ATP9B: variants seen among roughly 807,000 people sequenced by gnomAD.
ATP9B encodes the protein ATPase phospholipid transporting 9B.
Under a neutral mutation model 146.1 loss-of-function variants are expected in ATP9B, and 110 were observed. That is an observed-to-expected ratio of 0.75 (90% confidence interval 0.65 to 0.88). The LOEUF (loss-of-function observed/expected upper bound fraction) is 0.88, where lower values mean the gene tolerates loss of function less well. Ranked by LOEUF, ATP9B falls within the 40% of genes least tolerant of loss-of-function variation. The pLI, the probability that ATP9B is intolerant of heterozygous loss-of-function variation, is 0.00. For synonymous variants in ATP9B, 604 were observed against 569.7 expected (o/e 1.06, Z -0.86); for missense variants, 1,499 against 1,496.4 (o/e 1.00, Z -0.03).
chr18:79,132,574 T>C (rs1486758051), intron 5 of ATP9B, among the ~76,000 whole-genome samples: 6 of 152,224 alleles, frequency 3.9e-5, no homozygotes, highest in African/African-American at 1.4e-4. Flanking sequence ...CTGATACAGA[T>C]GTTTGATGAG....
intron 1 of ATP9B, among the ~76,000 whole-genome samples, chr18:79,086,790 T>C (rs1237450798): frequency 2.0e-5 from 3 of 152,252 alleles, no homozygotes; most frequent in African/African-American, 7.2e-5. Context: ...AAGGTTATTG[T>C]ATATATGATT....
At chr18:79,305,059 C>T (rs1359745137) in intron 14 of ATP9B, among the ~76,000 whole-genome samples, 1 of 151,852 alleles carries the variant, frequency 6.6e-6, no homozygotes, top group Non-Finnish European at 1.5e-5. Context: ...TGTACACAGC[C>T]CACCCTGGGA....
At chr18:79,111,209 T>C (rs1418466222) in intron 3 of ATP9B, among the ~76,000 whole-genome samples, 1 of 152,234 alleles carries the variant, frequency 6.6e-6, no homozygotes, top group Non-Finnish European at 1.5e-5. Flanking sequence ...AATAGATTTA[T>C]TTATCTTTCT....
Position 79,329,239 on chromosome 18 carries a change from C to G in ATP9B, c.1872C>G (p.Ser624Arg), listed in dbSNP as rs970182660. ...QLKTPSGQVLSFCILQLFPFT... is the reference protein window; with the variant it reads ...QLKTPSGQVLRFCILQLFPFT... ...AGACCCCCAGTGGCCAGGTCCTCAG[C>G]TTCTGCATTCTGCAGCTGTTTCCCT... is the stretch of plus-strand genomic sequence containing the variant. The change falls in exon 16 of 30, where the codon AGC becomes AGG. Residue 624 changes from serine to arginine, a missense_variant. Transcript: ENST00000426216. 1 of 1,612,892 alleles carries G rather than the reference C, an allele frequency of 6.2e-7. No individual in the cohort carries two copies.
intron 4 of ATP9B, among the ~76,000 whole-genome samples, chr18:79,118,476 CT>C (rs1317316925): frequency 7.2e-6 from 1 of 138,224 alleles, no homozygotes; most frequent in Admixed American, 7.7e-5. Flanking sequence ...TCTCGGCTCA[CT>C]GCAAGCTCCG....
At chr18:79,225,813 C>A (rs2095726617) in intron 11 of ATP9B, among the ~76,000 whole-genome samples, 1 of 131,108 alleles carries the variant, frequency 7.6e-6, no homozygotes, top group South Asian at 2.9e-4. Flanking sequence ...CGCAGGGCGG[C>A]CACTGTCTTC....
chr18:79,208,222 G>A (rs957631595), intron 10 of ATP9B, among the ~76,000 whole-genome samples: 4 of 152,218 alleles, frequency 2.6e-5, no homozygotes, highest in Non-Finnish European at 5.9e-5. Flanking sequence ...TCTAGCCTGG[G>A]CGACAGAGCG....
At chr18:79,200,725 G>A (rs2095467288) in intron 9 of ATP9B, among the ~76,000 whole-genome samples, 1 of 152,200 alleles carries the variant, frequency 6.6e-6, no homozygotes, top group Non-Finnish European at 1.5e-5. Flanking sequence ...GGTGGAGGTG[G>A]GGACTGTCGG....
At chr18:79,372,062 A>G (rs1228806626) in intron 26 of ATP9B, among the ~76,000 whole-genome samples, 1 of 152,226 alleles carries the variant, frequency 6.6e-6, no homozygotes, top group Non-Finnish European at 1.5e-5. Flanking sequence ...GTCACTTTCG[A>G]CAGCTCTTTA....
At chr18:79,347,181 G>A (rs2096894403) in intron 23 of ATP9B, among the ~76,000 whole-genome samples, 2 of 152,178 alleles carry the variant, frequency 1.3e-5, no homozygotes, top group Admixed American at 6.5e-5. Flanking sequence ...CTTTATCTGT[G>A]TTACTCTCTC....
chr18:79,373,469 C>T (rs1165181030), intron 27 of ATP9B, among the ~76,000 whole-genome samples: 3 of 136,550 alleles, frequency 2.2e-5, no homozygotes, highest in Non-Finnish European at 4.8e-5. Flanking sequence ...CAGCATGAAG[C>T]ATGGGCATGG....
At chr18:79,369,335 C>T (rs1329728350) in intron 26 of ATP9B, among the ~76,000 whole-genome samples, 1 of 151,884 alleles carries the variant, frequency 6.6e-6, no homozygotes, top group African/African-American at 2.4e-5. Context: ...AGATCGAGAC[C>T]AGCCTGGCTC....
At chr18:79,350,552 C>G (rs988209057) in intron 25 of ATP9B, among the ~76,000 whole-genome samples, 1 of 152,158 alleles carries the variant, frequency 6.6e-6, no homozygotes, top group African/African-American at 2.4e-5. Flanking sequence ...TCTACGTGAC[C>G]AAAGAATGTC....
chr18:79,105,650 T>C (rs1040144925), intron 2 of ATP9B, among the ~76,000 whole-genome samples: 3 of 152,122 alleles, frequency 2.0e-5, no homozygotes, highest in African/African-American at 7.3e-5. Context: ...TATTGATAGT[T>C]CTCTGATCTG....
intron 5 of ATP9B, among the ~76,000 whole-genome samples, chr18:79,130,971 G>A (rs755836512): frequency 6.6e-6 from 1 of 152,322 alleles, no homozygotes; most frequent in Non-Finnish European, 1.5e-5. Flanking sequence ...GATGAGCCTG[G>A]CCAATGTGGT....
At chr18:79,376,848 C>A (rs2097106046) in intron 29 of ATP9B, among the ~76,000 whole-genome samples, 1 of 152,032 alleles carries the variant, frequency 6.6e-6, no homozygotes. Context: ...GTGTCCACCA[C>A]CACGCCCGGC....
intron 1 of ATP9B, among the ~76,000 whole-genome samples, chr18:79,083,636 A>G (rs917186174): frequency 6.6e-6 from 1 of 152,070 alleles, no homozygotes; most frequent in Middle Eastern, 3.2e-3. Flanking sequence ...ACAGTCCCTC[A>G]GTGCTTCCCT....
At chr18:79,328,286 A>T (rs1467912705) in intron 15 of ATP9B, among the ~76,000 whole-genome samples, 1 of 152,180 alleles carries the variant, frequency 6.6e-6, no homozygotes, top group Admixed American at 6.5e-5. Flanking sequence ...TCTGGTAGGG[A>T]GGTTGCTTTT....
At chr18:79,196,699 A>G (rs181680767) in intron 9 of ATP9B, among the ~76,000 whole-genome samples, 2 of 152,382 alleles carry the variant, frequency 1.3e-5, no homozygotes, top group African/African-American at 4.8e-5. Context: ...CTAAAGATGC[A>G]TAGTATGCAG....
Sources: allele counts gnomAD v4.1 joint callset (sites outside exome capture counted in the v4.1 genomes callset), GRCh38; gene constraint gnomAD v4.1.1; transcripts MANE v1.5; gene names NCBI Gene and HGNC (gene_info 2026-07-23, HGNC 2026-07-21).